Variants in BCL11A observed in about 807,000 individuals in gnomAD.
BCL11A encodes BCL11 transcription factor A.
BCL11A carries 2 observed loss-of-function variants against 55.9 expected under a neutral mutation model. That is an observed-to-expected ratio of 0.04 (90% CI 0.01 to 0.11). The LOEUF (loss-of-function observed/expected upper bound fraction) is 0.11, where lower values mean the gene tolerates loss of function less well. BCL11A is among the 10% of genes least tolerant of loss of function. The pLI is 1.00. For missense variants in BCL11A, 817 were observed against 1,137.1 expected (o/e 0.72, Z 4.05); for synonymous variants, 465 against 473.4 (o/e 0.98, Z 0.23).
intron 2 of BCL11A, among the ~76,000 whole-genome samples, chr2:60,505,163 T>C (rs1212795130): frequency 6.6e-6 from 1 of 152,196 alleles, no homozygotes; most frequent in Non-Finnish European, 1.5e-5. Flanking sequence ...AAATGTGATT[T>C]TATCCGTATC....
At chr2:60,455,730 T>C (rs1675909773), downstream of BCL11A, among the ~76,000 whole-genome samples, 1 of 152,178 alleles carries the variant, frequency 6.6e-6, no homozygotes, top group South Asian at 2.1e-4. Context: ...ATATAAAACC[T>C]ACACAGTTGC....
rs1227701186 is a variant in BCL11A, at chr2:60,460,065, C to T, written c.*339G>A. On this transcript the variant is annotated 3_prime_UTR_variant, in exon 4 of 4. Transcript: ENST00000642384. ...CTGTCTAAGTTTAAAAAAAAACATA[C>T]ACAACATGTAAATTATTGCACAAGA... 1 of 1,090,022 alleles carries T rather than the reference C, an allele frequency of 9.2e-7. No individual in the cohort carries two copies. The highest frequency in any genetic ancestry group is 4.8e-5 in the East Asian group (1 of 20,930). The allele number at this position is 1,090,022 out of a possible 1,614,324, so 67.5% of individuals were successfully genotyped here.
intron 2 of BCL11A, among the ~76,000 whole-genome samples, chr2:60,474,439 C>T (rs987289516): frequency 1.5e-4 from 23 of 152,088 alleles, no homozygotes; most frequent in African/African-American, 5.6e-4. Flanking sequence ...TAGGATGGTA[C>T]TTAAAAAAAG....
Position 60,457,411 on chromosome 2 carries a change from T to C in BCL11A, c.*2993A>G. On this transcript the variant is annotated 3_prime_UTR_variant, in exon 4 of 4. Transcript: ENST00000642384. Reference sequence around the variant, plus strand: ...AAGAAAAATAAAAGATCAAATTAAGTGCCTCTGTTTTGAACAGGGCACATA... The same window carrying C: ...AAGAAAAATAAAAGATCAAATTAAGCGCCTCTGTTTTGAACAGGGCACATA... 9.7e-7 allele frequency: 1 copy of C among 1,030,088 alleles called. No homozygotes were observed. The allele number at this position is 1,030,088 out of a possible 1,614,324, so 63.8% of individuals were successfully genotyped here. A position where few individuals can be genotyped will look rare whatever the true frequency, so the allele number is the denominator to read the frequency against.
intron 2 of BCL11A, chr2:60,527,936 G>C (rs569998541): frequency 6.6e-6 from 1 of 152,388 alleles, no homozygotes; most frequent in South Asian, 2.1e-4. Context: ...GAGTGACTGG[G>C]AGAGGCCACC....
Position 60,461,008 on chromosome 2 carries a change from C to A in BCL11A, c.1904G>T (p.Arg635Leu). The change falls in exon 4 of 4, where the codon CGC becomes CTC. Residue 635 changes from arginine to leucine, a missense_variant. By Grantham distance (102) the Arg-to-Leu change is moderately radical. Coordinates refer to ENST00000642384, the MANE Select transcript of BCL11A (RefSeq NM_022893.4). Reference protein sequence around the residue: ...SPSSLSPFSKRIKLEKEFDLP... With the variant: ...SPSSLSPFSKLIKLEKEFDLP... Reference sequence around the variant, plus strand: ...GTCGAACTCCTTCTCGAGCTTGATGCGCTTAGAGAAGGGGCTCAGCGAGCT... The same window carrying A: ...GTCGAACTCCTTCTCGAGCTTGATGAGCTTAGAGAAGGGGCTCAGCGAGCT... The A allele has an allele frequency of 1.2e-6, 2 of 1,607,682 alleles. No homozygotes were observed. Among genetic ancestry groups the A allele is most frequent in the Non-Finnish European group, 1.7e-6 (2 of 1,176,346 alleles).
At chr2:60,476,727 C>A (rs1477214211) in intron 2 of BCL11A, among the ~76,000 whole-genome samples, 1 of 152,242 alleles carries the variant, frequency 6.6e-6, no homozygotes, top group Non-Finnish European at 1.5e-5. Flanking sequence ...CTTCCCCCAA[C>A]CCCCAATATC....
intron 1 of BCL11A, among the ~76,000 whole-genome samples, chr2:60,550,265 C>A (rs999542385): frequency 6.6e-6 from 1 of 152,110 alleles, no homozygotes; most frequent in Non-Finnish European, 1.5e-5. Context: ...TCTCAGCTCG[C>A]GCACGGGGGT....
chr2:60,500,132 G>A (rs1004200455), intron 2 of BCL11A, among the ~76,000 whole-genome samples: 8 of 152,242 alleles, frequency 5.3e-5, no homozygotes, highest in African/African-American at 1.7e-4. Context: ...TCAGGGCTTT[G>A]CCCTGGGCAC....
At position 60,505,323 on chromosome 2, in the gene BCL11A, T is replaced by C. The variant is rs564817203; in HGVS notation, c.386-36490A>G. 3.9e-5 allele frequency among the ~76,000 whole-genome samples: 6 copies of C among 152,304 alleles called. No individual in the cohort carries two copies. The East Asian group carries it at 1.2e-3, about 29-fold the overall frequency. On this transcript the variant is annotated intron_variant, in intron 2 of 3. Coordinates refer to ENST00000642384, the MANE Select transcript of BCL11A (RefSeq NM_022893.4). ...TTGGCACCCCATTCTTCCAGATTGT[T>C]CCAAATGCCTGCTGCAGTAATAACA...
chr2:60,514,344 G>A (rs1668630765), intron 2 of BCL11A, among the ~76,000 whole-genome samples: 1 of 152,124 alleles, frequency 6.6e-6, no homozygotes, highest in African/African-American at 2.4e-5. Context: ...CCAAGACTTG[G>A]AGAACAAGCC....
chr2:60,498,601 T>C (rs1323924031), intron 2 of BCL11A, among the ~76,000 whole-genome samples: 1 of 152,236 alleles, frequency 6.6e-6, no homozygotes, highest in East Asian at 1.9e-4. Flanking sequence ...GTTTTTCAAA[T>C]TTTAATAGCA....
At chr2:60,473,789 C>A (rs1240711490) in intron 2 of BCL11A, among the ~76,000 whole-genome samples, 3 of 152,194 alleles carry the variant, frequency 2.0e-5, no homozygotes, top group Non-Finnish European at 4.4e-5. Flanking sequence ...AATGTGCCAG[C>A]TTTATCATCA....
chr2:60,458,198 T>C lies in BCL11A; in HGVS notation c.*2206A>G, dbSNP rs886107755. On this transcript the variant is annotated 3_prime_UTR_variant, in exon 4 of 4. Coordinates refer to ENST00000642384, the MANE Select transcript of BCL11A (RefSeq NM_022893.4). The stretch of plus-strand genomic sequence containing the variant: ...CAGAAAAAAGACCATAAATGTATTT[T>C]AGCATAGGAATCAACATGAGTGTGC... 9.8e-7 allele frequency: 1 copy of C among 1,025,310 alleles called. No homozygotes were observed. Among genetic ancestry groups the C allele is most frequent in the Non-Finnish European group, 1.2e-6 (1 of 853,056 alleles). 63.5% of individuals were successfully genotyped at this position (1,025,310 alleles called of 1,614,324 possible).
intron 2 of BCL11A, among the ~76,000 whole-genome samples, chr2:60,502,294 C>G (rs1003416569): frequency 6.6e-6 from 1 of 152,232 alleles, no homozygotes; most frequent in Non-Finnish European, 1.5e-5. Flanking sequence ...GCTCCAAAGT[C>G]AGGGAGTAGG....
At chr2:60,451,919 A>G (rs960270498) in exon 5 of BCL11A, 1 of 228,976 alleles carries the variant, frequency 4.4e-6, no homozygotes, top group Non-Finnish European at 8.7e-6. Context: ...TTACTACTAC[A>G]TTAATTATGA....
intron 2 of BCL11A, among the ~76,000 whole-genome samples, chr2:60,475,567 A>C (rs957686395): frequency 6.6e-6 from 1 of 152,240 alleles, no homozygotes; most frequent in African/African-American, 2.4e-5. Flanking sequence ...ACTGTGCAAG[A>C]AACATTGAGA....
downstream of BCL11A, chr2:60,452,604 C>T (rs1455357430): frequency 1.2e-6 from 2 of 1,613,956 alleles, no homozygotes; most frequent in Admixed American, 1.7e-5. Context: ...GAGCTTCCAT[C>T]CGAAAACTGC....
intron 2 of BCL11A, among the ~76,000 whole-genome samples, chr2:60,481,253 A>G (rs1045277470): frequency 2.0e-5 from 3 of 152,040 alleles, no homozygotes; most frequent in African/African-American, 7.2e-5. Context: ...TCCCAAACCT[A>G]GCCACCCATC....
Sources: gnomAD v4.1 joint callset for allele counts (sites outside exome capture counted in the v4.1 genomes callset) on GRCh38, gnomAD v4.1.1 for gene constraint, MANE v1.5 for transcripts, NCBI Gene and HGNC (gene_info 2026-07-23, HGNC 2026-07-21) for gene names.